TRIOBP: variants seen among roughly 807,000 people sequenced by gnomAD.
The protein encoded by TRIOBP is TRIO and F-actin binding protein, also known as TRIO and F-actin-binding protein.
TRIOBP carries 169 observed loss-of-function variants against 238.8 expected under a neutral mutation model. The observed-to-expected ratio is 0.71, with a 90% CI of 0.62 to 0.80. TRIOBP has a LOEUF of 0.80. Among genes scored for constraint, TRIOBP ranks in the 30% least tolerant of loss-of-function variants. The probability of loss-of-function intolerance (pLI) is 0.00; values close to 1 mark genes in which losing one functional copy is unlikely to be tolerated. For synonymous variants in TRIOBP, 1,150 were observed against 1,274.4 expected (o/e 0.90, Z 2.08); for missense variants, 2,838 against 3,122.6 (o/e 0.91, Z 2.17).
At chr22:37,735,466 A>T (rs1288269605) in intron 9 of TRIOBP, 24 bp downstream of exon 9, 1 of 1,546,468 alleles carries the variant, frequency 6.5e-7, no homozygotes, top group African/African-American at 1.4e-5. Context: ...CACCCTCCCA[A>T]GGGTAGCCAG....
At chr22:37,722,984 C>T (rs1354116375) in intron 6 of TRIOBP, among the ~76,000 whole-genome samples, 2 of 152,330 alleles carry the variant, frequency 1.3e-5, no homozygotes, top group East Asian at 3.9e-4. Flanking sequence ...AATTCTTGAC[C>T]TCAGCTTGAG....
Position 37,724,849 on chromosome 22 carries a change from C to A in TRIOBP, c.2293C>A (p.Gln765Lys). The A allele has an allele frequency of 6.2e-7, 1 of 1,613,648 alleles. No individual in the cohort carries two copies. The highest frequency in any genetic ancestry group is 8.5e-7 in the Non-Finnish European group (1 of 1,179,958). ...CTCCTCTCCTAACAGAACCATCCAACAAGAGAACCTCAGAACATCCTGTAC... is the reference window on the plus strand; with the variant it reads ...CTCCTCTCCTAACAGAACCATCCAAAAAGAGAACCTCAGAACATCCTGTAC... ...RASSPNRTIQ[Q>K]ENLRTSCTRQ... The change falls in exon 7 of 24, where the codon CAA becomes AAA. Residue 765 changes from glutamine (Q) to lysine (K), a missense_variant. By Grantham distance (53) the Gln-to-Lys change is moderately conservative. Coordinates refer to ENST00000644935, the MANE Select transcript of TRIOBP (RefSeq NM_001039141.3).
intron 11 of TRIOBP, among the ~76,000 whole-genome samples, chr22:37,746,751 C>T (rs1027551728): frequency 6.6e-6 from 1 of 152,252 alleles, no homozygotes; most frequent in Non-Finnish European, 1.5e-5. Context: ...CACCTCCCCT[C>T]CAGCCCCCTA....
intron 2 of TRIOBP, among the ~76,000 whole-genome samples, chr22:37,701,083 C>T (rs950097420): frequency 1.3e-5 from 2 of 152,298 alleles, no homozygotes; most frequent in East Asian, 1.9e-4. Context: ...GACTAGAAAT[C>T]GCACATCAAA....
At chr22:37,739,179 G>A (rs1249788132) in intron 10 of TRIOBP, among the ~76,000 whole-genome samples, 1 of 152,054 alleles carries the variant, frequency 6.6e-6, no homozygotes, top group Non-Finnish European at 1.5e-5. Flanking sequence ...GCGGGGGTGG[G>A]ACCCACGGAT....
At position 37,706,000 on chromosome 22, in the gene TRIOBP, G is replaced by C. The variant is rs116354282; in HGVS notation, c.115-4427G>C. Among the ~76,000 whole-genome samples, 426 of 152,262 alleles carry C rather than the reference G, an allele frequency of 2.8e-3. 3 individuals are homozygous for C. Among genetic ancestry groups the C allele is most frequent in the African/African-American group, 9.8e-3 (409 of 41,558 alleles). On this transcript the variant is annotated intron_variant, in intron 3 of 23. Coordinates refer to ENST00000644935, the MANE Select transcript of TRIOBP (RefSeq NM_001039141.3). ...GAGAGTGAATCAGGTGACCCGCCAG[G>C]AAAAGGTGCACGTACTCATCGGTGC...
Position 37,705,842 on chromosome 22 carries a change from C to T in TRIOBP, c.114+4363C>T, listed in dbSNP as rs1401486338. Among the ~76,000 whole-genome samples, 7 of 152,158 alleles carry T rather than the reference C, an allele frequency of 4.6e-5. No individual in the cohort carries two copies. The East Asian group carries it at 1.4e-3, about 29-fold the overall frequency. On this transcript the variant is annotated intron_variant, in intron 3 of 23. Transcript: ENST00000644935. ...CTGCCCTCCTTGGCCTCCCAAAGTG[C>T]TGAGATTACAAGTGTGAGCCACCTC...
At chr22:37,717,970 C>G (rs992025493) in intron 6 of TRIOBP, among the ~76,000 whole-genome samples, 1 of 152,206 alleles carries the variant, frequency 6.6e-6, no homozygotes, top group Non-Finnish European at 1.5e-5. Flanking sequence ...GGCTGCAGGT[C>G]CCGAGCCCTG....
Position 37,713,321 on chromosome 22 carries a change from G to C in TRIOBP, c.366G>C (p.Leu122Phe). Residue 122 changes from leucine (L) to phenylalanine (F), a missense_variant, in exon 5 of 24, where the codon TTG becomes TTC. Coordinates refer to ENST00000644935, the MANE Select transcript of TRIOBP (RefSeq NM_001039141.3). ...ATCTGGAGGGCCTGACCACTTCCTTGTGTGGCAGCTGCAACGAGGACCCCG... is the reference window on the plus strand; with the variant it reads ...ATCTGGAGGGCCTGACCACTTCCTTCTGTGGCAGCTGCAACGAGGACCCCG... Reference protein sequence around the residue: ...VPYLEGLTTSLCGSCNEDPGS... With the variant: ...VPYLEGLTTSFCGSCNEDPGS... The C allele has an allele frequency of 6.2e-7, 1 of 1,614,038 alleles. No individual in the cohort carries two copies. The highest frequency in any genetic ancestry group is 8.5e-7 in the Non-Finnish European group (1 of 1,179,952).
chr22:37,724,634 A>T lies in TRIOBP; in HGVS notation c.2078A>T (p.Gln693Leu), dbSNP rs746656229. ...TCCTCTCCCAGCAGAACCATCCAAC[A>T]AGAGAACCCCAGAACATCCTGTGCC... ...RASSPSRTIQ[Q>L]ENPRTSCAQR... Residue 693 changes from glutamine (Q) to leucine (L), a missense_variant, in exon 7 of 24, where the codon CAA becomes CTA. Physicochemically the swap from Gln to Leu is moderately radical, Grantham distance 113. Transcript: ENST00000644935. 9 of 1,561,058 alleles carry T rather than the reference A, an allele frequency of 5.8e-6. No homozygotes were observed. The highest frequency in any genetic ancestry group is 7.8e-6 in the Non-Finnish European group (9 of 1,150,912).
rs969043725 is a variant in TRIOBP at position 37,724,916 on chromosome 22, C to A, written c.2360C>A (p.Thr787Lys). 1.1e-5 allele frequency: 18 copies of A among 1,592,914 alleles called. No individual in the cohort carries two copies. The highest frequency in any genetic ancestry group is 1.5e-5 in the Non-Finnish European group (18 of 1,170,458). Residue 787 changes from threonine to lysine, a missense_variant, in exon 7 of 24, where the codon ACA becomes AAA. Thr to Lys is a moderately conservative substitution (Grantham distance 78). Around this residue, in one of 5 missense-constraint regions of TRIOBP, gnomAD observed 2,096 missense variants for 2,137.4 expected, o/e 0.98. Transcript: ENST00000644935. ...AGGACCTCCTCTCCCAATAGAGCCA[C>A]ACGAGACAACCCCAGAACATCCTGT... The part of the protein sequence containing the change: ...NPRTSSPNRA[T>K]RDNPRTSCAQ...
At chr22:37,708,410 G>A (rs1361382125) in intron 3 of TRIOBP, among the ~76,000 whole-genome samples, 1 of 152,166 alleles carries the variant, frequency 6.6e-6, no homozygotes, top group African/African-American at 2.4e-5. Flanking sequence ...AATTAGCCGG[G>A]CATGGTGTCG....
At chr22:37,714,658 C>T (rs1383661652) in intron 5 of TRIOBP, among the ~76,000 whole-genome samples, 1 of 151,786 alleles carries the variant, frequency 6.6e-6, no homozygotes, top group Non-Finnish European at 1.5e-5. Context: ...AGCAAAACTC[C>T]GTCTTAAATA....
At chr22:37,752,971 C>T (rs1266697574) in intron 12 of TRIOBP, among the ~76,000 whole-genome samples, 1 of 152,182 alleles carries the variant, frequency 6.6e-6, no homozygotes, top group African/African-American at 2.4e-5. Context: ...CACCTGAGGC[C>T]CATGGAGCTC....
chr22:37,716,966 G>A (rs1002219200), intron 6 of TRIOBP, among the ~76,000 whole-genome samples: 2 of 152,216 alleles, frequency 1.3e-5, no homozygotes, highest in Non-Finnish European at 2.9e-5. Context: ...TGGTTTCAAA[G>A]TATTGTGTCC....
At chr22:37,719,550 C>A (rs1055491296) in intron 6 of TRIOBP, among the ~76,000 whole-genome samples, 20 of 152,098 alleles carry the variant, frequency 1.3e-4, no homozygotes, top group Non-Finnish European at 1.5e-5. Context: ...TTACTTACTG[C>A]CCACAAGTCA....
At chr22:37,730,538 G>C (rs887801258) in intron 7 of TRIOBP, among the ~76,000 whole-genome samples, 4 of 152,130 alleles carry the variant, frequency 2.6e-5, no homozygotes, top group Non-Finnish European at 5.9e-5. Flanking sequence ...AGCCCACTGG[G>C]TCACGTCTGG....
chr22:37,771,792 C>A (rs763505268), intron 22 of TRIOBP, 56 bp downstream of exon 22: 11 of 1,521,342 alleles, frequency 7.2e-6, no homozygotes, highest in Non-Finnish European at 1.0e-5. Context: ...ATCTGGATGC[C>A]ATCCTGTGAG....
intron 7 of TRIOBP, among the ~76,000 whole-genome samples, chr22:37,727,054 G>A (rs1012688092): frequency 4.6e-5 from 7 of 151,694 alleles, no homozygotes; most frequent in South Asian, 2.1e-4. Context: ...TTACAGGCAC[G>A]TGCCACCACA....
Sources: gnomAD v4.1 joint callset for allele counts (sites outside exome capture counted in the v4.1 genomes callset) on GRCh38, gnomAD v4.1.1 for gene constraint, gnomAD v4.1.1 regional missense constraint, MANE v1.5 for transcripts, NCBI Gene and HGNC (gene_info 2026-07-23, HGNC 2026-07-21) for gene names.